Variants in TMEM135 observed in about 807,000 individuals in gnomAD.
TMEM135 encodes peroxisomal membrane protein 52.
TMEM135 carries 30 observed loss-of-function variants against 60.3 expected under a neutral mutation model. The ratio of observed to expected loss-of-function variants is 0.50; its 90% CI spans 0.37 to 0.68. The LOEUF (loss-of-function observed/expected upper bound fraction) is 0.68, where lower values mean the gene tolerates loss of function less well. TMEM135 is among the 30% of genes least tolerant of loss of function. The pLI, the probability that TMEM135 is intolerant of heterozygous loss-of-function variation, is 0.00. For synonymous variants in TMEM135, 190 were observed against 186.7 expected (o/e 1.02, Z -0.14); for missense variants, 468 against 548.8 (o/e 0.85, Z 1.47).
Position 87,254,058 on chromosome 11 carries a change from A to G in TMEM135, c.509+17374A>G, listed in dbSNP as rs370638489. 6.6e-5 allele frequency among the ~76,000 whole-genome samples: 10 copies of G among 152,250 alleles called. No individual in the cohort carries two copies. The South Asian group carries it at 1.0e-3, about 16-fold the overall frequency. ...ATATATAACAATCTGTTACCTTTGCAGAAGTCTCAGCACATCAAACATTCA... is the reference window on the plus strand; with the variant it reads ...ATATATAACAATCTGTTACCTTTGCGGAAGTCTCAGCACATCAAACATTCA... On this transcript the variant is annotated intron_variant, in intron 6 of 14. Transcript: ENST00000305494.
In TMEM135 at chr11:87,171,760, G is replaced by A. The variant is rs539583572; in HGVS notation, c.462+14354G>A. On this transcript the variant is annotated intron_variant, in intron 5 of 14. Coordinates refer to ENST00000305494, the MANE Select transcript of TMEM135 (RefSeq NM_022918.4). ...TCCGACCTTTTTGGCACGAGGGACC[G>A]GCTTCGTCGAAGACAATTTTTCCAC... Among the ~76,000 whole-genome samples, 20 of 152,244 alleles carry A rather than the reference G, an allele frequency of 1.3e-4. 1 individual carries two copies. The South Asian group carries it at 3.7e-3, about 28-fold the overall frequency.
chr11:87,281,463 C>T (rs1268729059), intron 6 of TMEM135, among the ~76,000 whole-genome samples: 1 of 151,798 alleles, frequency 6.6e-6, no homozygotes, highest in East Asian at 1.9e-4. Context: ...GAAACCAGTA[C>T]CAGAAAGATT....
chr11:87,305,912 T>TA, intron 8 of TMEM135, 24 bp from the exon 9 acceptor site: 1 of 1,594,210 alleles, frequency 6.3e-7, no homozygotes, highest in Non-Finnish European at 8.6e-7. Flanking sequence ...ATAATTAGTT[T>TA]AATTTTTTTG....
chr11:87,153,308 A>C (rs78406654), intron 4 of TMEM135, among the ~76,000 whole-genome samples: 1 of 152,148 alleles, frequency 6.6e-6, no homozygotes, highest in Non-Finnish European at 1.5e-5. Context: ...TTTGTACTCA[A>C]ACATGCCAAG....
intron 6 of TMEM135, among the ~76,000 whole-genome samples, chr11:87,255,773 A>G (rs1391612346): frequency 6.6e-6 from 1 of 152,196 alleles, no homozygotes; most frequent in East Asian, 1.9e-4. Context: ...TAAGAGAGGA[A>G]GTGAAGGTGA....
intron 8 of TMEM135, among the ~76,000 whole-genome samples, chr11:87,302,832 C>T (rs1435234008): frequency 6.6e-6 from 1 of 152,010 alleles, no homozygotes; most frequent in Non-Finnish European, 1.5e-5. Flanking sequence ...AAGGGATAAC[C>T]CTTAAGTAAA....
chr11:87,084,428 C>G (rs1436083249), intron 3 of TMEM135, among the ~76,000 whole-genome samples: 1 of 152,016 alleles, frequency 6.6e-6, no homozygotes, highest in Non-Finnish European at 1.5e-5. Flanking sequence ...CTGCCTCAGT[C>G]TCCCCAGTAG....
chr11:87,097,277 G>A (rs1186591885), intron 4 of TMEM135, among the ~76,000 whole-genome samples: 2 of 152,102 alleles, frequency 1.3e-5, no homozygotes, highest in African/African-American at 4.8e-5. Context: ...GATTACAGGC[G>A]TGAGCCACCG....
At chr11:87,135,202 A>T (rs1355666067) in intron 4 of TMEM135, among the ~76,000 whole-genome samples, 1 of 151,942 alleles carries the variant, frequency 6.6e-6, no homozygotes, top group Non-Finnish European at 1.5e-5. Context: ...TTCATTCTCT[A>T]AACAATGTCT....
chr11:87,263,058 A>G (rs1278108279), intron 6 of TMEM135, among the ~76,000 whole-genome samples: 3 of 152,138 alleles, frequency 2.0e-5, no homozygotes, highest in Non-Finnish European at 4.4e-5. Flanking sequence ...CCAGTTACGT[A>G]ATTACATTAA....
chr11:87,165,857 G>A (rs1271491920), intron 5 of TMEM135, among the ~76,000 whole-genome samples: 1 of 148,304 alleles, frequency 6.7e-6, no homozygotes, highest in Non-Finnish European at 1.5e-5. Context: ...GACTAATAAA[G>A]AAAAAAGAGA....
intron 4 of TMEM135, among the ~76,000 whole-genome samples, chr11:87,127,469 G>A (rs1399540277): frequency 6.6e-6 from 1 of 152,058 alleles, no homozygotes; most frequent in Admixed American, 6.6e-5. Flanking sequence ...TCTCTGTTTT[G>A]ATCCCAGGTT....
intron 5 of TMEM135, among the ~76,000 whole-genome samples, chr11:87,217,581 T>G (rs1940528991): frequency 6.6e-6 from 1 of 150,920 alleles, no homozygotes; most frequent in Non-Finnish European, 1.5e-5. Flanking sequence ...AGGATGGGAG[T>G]TCAAGATCAG....
In TMEM135 at chr11:87,128,365, T is replaced by A. The variant is rs1937798000; in HGVS notation, c.397-28976T>A. 1.3e-5 allele frequency among the ~76,000 whole-genome samples: 2 copies of A among 152,208 alleles called. 1 individual carries two copies. The highest frequency in any genetic ancestry group is 4.1e-4 in the South Asian group (2 of 4,832). ...TGACTCCAGATCTTTGCTCTAGCTGTTTCAACCTTCTGCGTGTTCTTTTTT... is the reference window on the plus strand; with the variant it reads ...TGACTCCAGATCTTTGCTCTAGCTGATTCAACCTTCTGCGTGTTCTTTTTT... On this transcript the variant is annotated intron_variant, in intron 4 of 14. Transcript: ENST00000305494.
intron 4 of TMEM135, among the ~76,000 whole-genome samples, chr11:87,149,921 A>T (rs1464488653): frequency 6.6e-6 from 1 of 152,244 alleles, no homozygotes; most frequent in African/African-American, 2.4e-5. Context: ...CATGTAGTTT[A>T]AAAGTGAAAT....
chr11:87,140,684 A>G (rs894765618), intron 4 of TMEM135, among the ~76,000 whole-genome samples: 5 of 152,110 alleles, frequency 3.3e-5, no homozygotes, highest in African/African-American at 7.2e-5. Flanking sequence ...TTTATCCCCA[A>G]TGTAGTATAT....
chr11:87,306,083 A>T (rs1942538139), intron 9 of TMEM135, 78 bp downstream of exon 9: 3 of 881,122 alleles, frequency 3.4e-6, no homozygotes, highest in Non-Finnish European at 4.9e-6. Context: ...GAAATAATTT[A>T]AAAATAAATG....
At chr11:87,237,837 G>C (rs1032604267) in intron 6 of TMEM135, among the ~76,000 whole-genome samples, 1 of 151,524 alleles carries the variant, frequency 6.6e-6, no homozygotes, top group African/African-American at 2.4e-5. Flanking sequence ...CCACCCTCTG[G>C]TAACCATCAT....
In TMEM135 at chr11:87,326,198, T is replaced by C. The variant is rs1295571693; in HGVS notation, c.*4865T>C. 1.8e-5 allele frequency: 8 copies of C among 453,908 alleles called. No homozygotes were observed. The highest frequency in any genetic ancestry group is 3.5e-5 in the Non-Finnish European group (8 of 226,770). The allele number at this position is 453,908 out of a possible 1,614,324, so 28.1% of individuals were successfully genotyped here. On this transcript the variant is annotated 3_prime_UTR_variant, in exon 15 of 15. Transcript: ENST00000305494. ...TTGTCAGACCGTGGATAATAGGATG[T>C]TCCCTGGTCTTGGCATAGAGGCCAT...
Sources: allele counts gnomAD v4.1 joint callset (sites outside exome capture counted in the v4.1 genomes callset), GRCh38; gene constraint gnomAD v4.1.1; transcripts MANE v1.5; gene names NCBI Gene and HGNC (gene_info 2026-07-23, HGNC 2026-07-21).